The following SEMA6A variants were observed in gnomAD, a reference collection of about 807,000 sequenced individuals.
SEMA6A encodes semaphorin 6A.
A neutral mutation model predicts 96.8 loss-of-function variants in SEMA6A; 25 were observed. The observed-to-expected ratio is 0.26, with a 90% CI of 0.19 to 0.36. The LOEUF (loss-of-function observed/expected upper bound fraction) is 0.36. SEMA6A is among the 10% of genes least tolerant of loss of function. SEMA6A has a pLI of 1.00. For missense variants in SEMA6A, 1,363 were observed against 1,323.1 expected, an observed-to-expected ratio of 1.03 and a Z score of -0.47; for synonymous variants, 612 against 518.0, an observed-to-expected ratio of 1.18 and a Z score of -2.46.
intron 9 of SEMA6A, 129 bp from the exon 10 acceptor site, chr5:116,487,095 C>CAAAAAAA: frequency 2.2e-6 from 1 of 445,664 alleles, no homozygotes; most frequent in South Asian, 3.1e-5. Context: ...AAATCAGTAA[C>CAAAAAAA]AAAAAAAAAA....
intron 7 of SEMA6A, among the ~76,000 whole-genome samples, chr5:116,489,987 T>TA (rs1260255279): frequency 2.0e-5 from 3 of 152,240 alleles, no homozygotes; most frequent in Non-Finnish European, 4.4e-5. Flanking sequence ...CAAAGTGACT[T>TA]ACATACAACA....
chr5:116,496,515 A>G (rs1757611059), intron 4 of SEMA6A, among the ~76,000 whole-genome samples: 1 of 152,246 alleles, frequency 6.6e-6, no homozygotes, highest in Admixed American at 6.5e-5. Flanking sequence ...CTATCTATTC[A>G]TTAAACCACA....
chr5:116,546,039 A>G (rs1760172801), intron 1 of SEMA6A, among the ~76,000 whole-genome samples: 1 of 152,224 alleles, frequency 6.6e-6, no homozygotes, highest in South Asian at 2.1e-4. Context: ...ATAATAAATC[A>G]TTTCAATAAT....
chr5:116,446,998 C>T lies in SEMA6A; in HGVS notation c.2708G>A (p.Arg903Gln), dbSNP rs879214736. ...GGAAGAGGAGTGGTGCATTTCCAGC[C>T]GCTTGCTTAGACCGGTCTGAGACAG... ...ASLSQTGLSK[R>Q]LEMHHSSSYG... The change falls in exon 19 of 19, where the codon CGG becomes CAG. Residue 903 changes from arginine to glutamine, a missense_variant. By Grantham distance (43) the Arg-to-Gln change is conservative. Coordinates refer to ENST00000343348, the MANE Select transcript of SEMA6A (RefSeq NM_020796.5). 4.3e-6 allele frequency: 7 copies of T among 1,613,760 alleles called. No homozygotes were observed. The highest frequency in any genetic ancestry group is 2.2e-5 in the South Asian group (2 of 91,086).
intron 1 of SEMA6A, among the ~76,000 whole-genome samples, chr5:116,540,348 G>A (rs978925017): frequency 6.6e-6 from 1 of 152,190 alleles, no homozygotes; most frequent in African/African-American, 2.4e-5. Context: ...ACTTATGCTT[G>A]CACAGCATGG....
intron 6 of SEMA6A, 96 bp downstream of exon 6, chr5:116,495,317 T>C: frequency 3.7e-6 from 3 of 817,692 alleles, no homozygotes; most frequent in Non-Finnish European, 6.2e-6. Context: ...ACTCAGGTGG[T>C]GTTGAATTAC....
At chr5:116,481,829 C>T (rs571592344) in intron 11 of SEMA6A, among the ~76,000 whole-genome samples, 2 of 152,158 alleles carry the variant, frequency 1.3e-5, no homozygotes, top group Admixed American at 1.3e-4. Context: ...GCCTCTGGAC[C>T]ATAGTATCCC....
At chr5:116,467,897 GGT>G in intron 17 of SEMA6A, 150 bp from the exon 18 acceptor site, 1 of 690,692 alleles carries the variant, frequency 1.4e-6, no homozygotes, top group Non-Finnish European at 2.4e-6. Flanking sequence ...TGGTGGTGGT[GGT>G]GGTGGTGGTG....
In SEMA6A at chr5:116,498,565, C is replaced by T. The variant is rs1757721982; in HGVS notation, c.219-1178G>A. The T allele has an allele frequency of 2.6e-5, 3 of 114,642 alleles. No homozygotes were observed. The South Asian group carries it at 8.2e-4, about 31-fold the overall frequency. The allele number at this position is 114,642 out of a possible 1,614,324, so 7.1% of individuals were successfully genotyped here. ...TCCCTTGCCAGCTACTGTGAGTGTG[C>T]ATGGGGGGAGGGGGTGGAAGGGGGT... On this transcript the variant is annotated intron_variant, in intron 3 of 18. Coordinates refer to ENST00000343348, the MANE Select transcript of SEMA6A (RefSeq NM_020796.5).
intron 7 of SEMA6A, among the ~76,000 whole-genome samples, 192 bp from the exon 8 acceptor site, chr5:116,489,199 G>A (rs1445014212): frequency 6.6e-6 from 1 of 152,162 alleles, no homozygotes; most frequent in Non-Finnish European, 1.5e-5. Context: ...CATGAGAGAT[G>A]AAACATTTTT....
intron 3 of SEMA6A, among the ~76,000 whole-genome samples, chr5:116,499,413 G>A (rs1265749861): frequency 6.6e-6 from 1 of 151,574 alleles, no homozygotes; most frequent in Non-Finnish European, 1.5e-5. Context: ...CTGGGCGGGC[G>A]GGGGTTGGCC....
At chr5:116,533,978 T>C (rs1014165648) in intron 1 of SEMA6A, among the ~76,000 whole-genome samples, 4 of 152,226 alleles carry the variant, frequency 2.6e-5, no homozygotes, top group Admixed American at 1.3e-4. Flanking sequence ...TCCCTAAATA[T>C]GCCTGTCTCC....
chr5:116,541,683 A>C (rs1398647567), intron 1 of SEMA6A, among the ~76,000 whole-genome samples: 1 of 152,124 alleles, frequency 6.6e-6, no homozygotes, highest in African/African-American at 2.4e-5. Flanking sequence ...AGATACAAAA[A>C]TTAGCTGGGC....
intron 5 of SEMA6A, chr5:116,495,960 G>A (rs1412688769): frequency 5.4e-6 from 2 of 371,898 alleles, no homozygotes; most frequent in Non-Finnish European, 9.9e-6. Context: ...TGCGGAGGTG[G>A]GCATCGGCGT....
chr5:116,496,584 G>A (rs1757613301), intron 4 of SEMA6A, among the ~76,000 whole-genome samples: 1 of 152,160 alleles, frequency 6.6e-6, no homozygotes, highest in South Asian at 2.1e-4. Flanking sequence ...GAATAAACAA[G>A]AGTGTGGAAA....
chr5:116,542,818 C>T lies in SEMA6A; in HGVS notation c.-39+31367G>A, dbSNP rs73780339. On this transcript the variant is annotated intron_variant, in intron 1 of 18. Coordinates refer to ENST00000343348, the MANE Select transcript of SEMA6A (RefSeq NM_020796.5). ...ATAAGGAAGTGAGGGCAGCGGCTGT[C>T]TTCTGTTCAGGACTATTCTGTTTGC... Among the ~76,000 whole-genome samples, 1,080 of 152,306 alleles carry T rather than the reference C, an allele frequency of 7.1e-3. 12 individuals carry two copies. The highest frequency in any genetic ancestry group is 0.024 in the African/African-American group (1,008 of 41,558).
intron 1 of SEMA6A, among the ~76,000 whole-genome samples, chr5:116,553,741 G>C (rs1168130844): frequency 6.6e-6 from 1 of 152,008 alleles, no homozygotes; most frequent in Non-Finnish European, 1.5e-5. Flanking sequence ...GGAAAGAGGG[G>C]GTGGATTCCT....
At chr5:116,497,408 A>T in intron 3 of SEMA6A, 21 bp from the exon 4 acceptor site, 1 of 1,474,916 alleles carries the variant, frequency 6.8e-7, no homozygotes, top group Non-Finnish European at 9.4e-7. Flanking sequence ...AGAAAAATTA[A>T]TACAAGGTCA....
At chr5:116,562,652 C>T (rs941383290) in intron 1 of SEMA6A, 14 of 701,478 alleles carry the variant, frequency 2.0e-5, no homozygotes, top group Non-Finnish European at 3.8e-5. Context: ...TGGTGTCCGC[C>T]ATATCGTTGC....
Sources: gnomAD v4.1 joint callset for allele counts (sites outside exome capture counted in the v4.1 genomes callset) on GRCh38, gnomAD v4.1.1 for gene constraint, MANE v1.5 for transcripts, NCBI Gene and HGNC (gene_info 2026-07-23, HGNC 2026-07-21) for gene names.